Variants in RNLS observed in about 807,000 individuals in gnomAD.
The protein encoded by RNLS is renalase.
A neutral mutation model predicts 39.8 loss-of-function variants in RNLS; 39 were observed. That is an observed-to-expected ratio of 0.98 (90% CI 0.76 to 1.28). The LOEUF (loss-of-function observed/expected upper bound fraction) is 1.28. Ranked by LOEUF, RNLS falls within the 50% of genes most tolerant of loss-of-function variation. RNLS has a pLI of 0.00. For synonymous variants in RNLS, 147 were observed against 150.7 expected, an observed-to-expected ratio of 0.98 and a Z score of 0.18; for missense variants, 410 against 413.3, an observed-to-expected ratio of 0.99 and a Z score of 0.07.
At chr10:88,415,446 A>G (rs1374582233) in intron 4 of RNLS, among the ~76,000 whole-genome samples, 5 of 152,214 alleles carry the variant, frequency 3.3e-5, no homozygotes, top group Non-Finnish European at 5.9e-5. Flanking sequence ...CAACCATCCT[A>G]TTTATTAGAC....
intron 5 of RNLS, among the ~76,000 whole-genome samples, chr10:88,351,834 A>G (rs1456231095): frequency 1.3e-5 from 2 of 152,064 alleles, no homozygotes. Context: ...TCCTATCCAT[A>G]AGCATGGAAT....
chr10:88,407,709 C>G (rs570287864), intron 4 of RNLS, among the ~76,000 whole-genome samples: 55 of 152,150 alleles, frequency 3.6e-4, no homozygotes, highest in Non-Finnish European at 6.3e-4. Context: ...CTGGCCTAAC[C>G]TAGGGAATCA....
chr10:88,497,880 G>T (rs890995582), intron 4 of RNLS, among the ~76,000 whole-genome samples: 5 of 151,406 alleles, frequency 3.3e-5, no homozygotes, highest in African/African-American at 1.2e-4. Flanking sequence ...CTATAATTTT[G>T]GGGAAAAAAA....
intron 5 of RNLS, among the ~76,000 whole-genome samples, chr10:88,351,780 T>C (rs1848729258): frequency 6.6e-6 from 1 of 152,226 alleles, no homozygotes; most frequent in African/African-American, 2.4e-5. Flanking sequence ...ATTGAATCTA[T>C]AAATTACCTT....
At chr10:88,209,012 T>C in the RNLS span, among the ~76,000 whole-genome samples, 1 of 152,142 alleles carries the variant, frequency 6.6e-6, no homozygotes, top group African/African-American at 2.4e-5. Context: ...TATGATGGCT[T>C]TAAATTAATC....
intron 4 of RNLS, among the ~76,000 whole-genome samples, chr10:88,536,007 A>G (rs1847735597): frequency 6.6e-6 from 1 of 152,194 alleles, no homozygotes; most frequent in African/African-American, 2.4e-5. Flanking sequence ...GAGATCTGAG[A>G]GATGGTATCT....
the RNLS span, among the ~76,000 whole-genome samples, chr10:88,238,136 G>A: frequency 6.6e-6 from 1 of 152,140 alleles, no homozygotes; most frequent in Non-Finnish European, 1.5e-5. Context: ...CAGTCAACAA[G>A]CATTCCTTGA....
the RNLS span, among the ~76,000 whole-genome samples, chr10:88,235,189 A>G: frequency 6.7e-6 from 1 of 148,914 alleles, no homozygotes. Flanking sequence ...AATGGCGTGA[A>G]CGCGGGAGGT....
At chr10:88,441,753 C>G (rs1253020899) in intron 4 of RNLS, among the ~76,000 whole-genome samples, 1 of 152,160 alleles carries the variant, frequency 6.6e-6, no homozygotes, top group Admixed American at 6.5e-5. Context: ...AAACAAACAT[C>G]TAAGATGGGC....
At position 88,444,160 on chromosome 10, in the gene RNLS, C is replaced by T. The variant is rs373643561; in HGVS notation, c.527-81435G>A. ...CGATCAGGTAGCAACATTTGCTGAT[C>T]AGCAATATTCGCTGTTCTGCAGCCT... On this transcript the variant is annotated intron_variant, in intron 4 of 6. Transcript: ENST00000331772. 4.6e-3 allele frequency among the ~76,000 whole-genome samples: 702 copies of T among 152,324 alleles called. 2 individuals carry two copies. Among genetic ancestry groups the T allele is most frequent in the Non-Finnish European group, 6.8e-3 (464 of 68,022 alleles).
At chr10:88,288,273 C>T (rs1843422305) in intron 6 of RNLS, among the ~76,000 whole-genome samples, 1 of 152,104 alleles carries the variant, frequency 6.6e-6, no homozygotes, top group Non-Finnish European at 1.5e-5. Flanking sequence ...AGAAAGATTA[C>T]TACTTGCCCA....
At chr10:88,375,033 T>G (rs1850867320) in intron 4 of RNLS, among the ~76,000 whole-genome samples, 1 of 152,160 alleles carries the variant, frequency 6.6e-6, no homozygotes, top group Admixed American at 6.6e-5. Flanking sequence ...TCTTAAAGTA[T>G]ATATATCCTT....
At chr10:88,468,077 A>G (rs1193498924) in intron 4 of RNLS, among the ~76,000 whole-genome samples, 1 of 152,212 alleles carries the variant, frequency 6.6e-6, no homozygotes, top group African/African-American at 2.4e-5. Flanking sequence ...TGATCCGATT[A>G]GGAGTTGAAA....
rs573034674 is a variant in RNLS, at chr10:88,502,906, T to G, written c.526+69997A>C. Among the ~76,000 whole-genome samples, 111 of 151,674 alleles carry G rather than the reference T, an allele frequency of 7.3e-4. 1 individual carries two copies. The highest frequency in any genetic ancestry group is 6.5e-3 in the South Asian group (31 of 4,776). On this transcript the variant is annotated intron_variant, in intron 4 of 6. Transcript: ENST00000331772. ...AAATGAAAATATAGGGAGAGAGAAG[T>G]TTTTTTTTCTTTTTATCTTTTGCAT...
chr10:88,214,938 A>G, the RNLS span, among the ~76,000 whole-genome samples: 1 of 152,166 alleles, frequency 6.6e-6, no homozygotes, highest in Non-Finnish European at 1.5e-5. Flanking sequence ...GGTTTAGTCA[A>G]GGTATTTGTA....
the RNLS span, among the ~76,000 whole-genome samples, chr10:88,219,504 C>T: frequency 2.2e-3 from 341 of 152,316 alleles, no homozygotes; most frequent in African/African-American, 8.0e-3. Flanking sequence ...TCATCAACTC[C>T]CAGCAAACTT....
intron 4 of RNLS, among the ~76,000 whole-genome samples, chr10:88,423,389 A>T (rs1363576716): frequency 1.3e-5 from 2 of 152,204 alleles, no homozygotes; most frequent in Non-Finnish European, 2.9e-5. Flanking sequence ...TTGTATAGCC[A>T]GTGCTTTTAA....
At chr10:88,526,314 A>G (rs972027324) in intron 4 of RNLS, among the ~76,000 whole-genome samples, 3 of 151,800 alleles carry the variant, frequency 2.0e-5, no homozygotes, top group African/African-American at 7.3e-5. Flanking sequence ...CCTGAATGAT[A>G]AAGAAGTTAG....
chr10:88,193,986 C>A, the RNLS span, among the ~76,000 whole-genome samples: 2 of 152,156 alleles, frequency 1.3e-5, no homozygotes, highest in Non-Finnish European at 2.9e-5. Context: ...GTTTTGCAAG[C>A]ACAGGTGATT....
Sources: gnomAD v4.1 joint callset for allele counts (sites outside exome capture counted in the v4.1 genomes callset) on GRCh38, gnomAD v4.1.1 for gene constraint, MANE v1.5 for transcripts, NCBI Gene and HGNC (gene_info 2026-07-23, HGNC 2026-07-21) for gene names.